ANK2: variants seen among roughly 807,000 people sequenced by gnomAD.
The protein encoded by ANK2 is ankyrin 2.
ANK2 carries 83 observed loss-of-function variants against 360.5 expected under a neutral mutation model. That is an observed-to-expected ratio of 0.23 (90% CI 0.19 to 0.28). ANK2 has a LOEUF of 0.28. Ranked by LOEUF, ANK2 falls within the 10% of genes least tolerant of loss-of-function variation. The pLI, the probability that ANK2 is intolerant of heterozygous loss-of-function variation, is 1.00. For missense variants in ANK2, 4,201 were observed against 4,795.7 expected, an observed-to-expected ratio of 0.88 and a Z score of 3.66; for synonymous variants, 1,740 against 1,759.5, an observed-to-expected ratio of 0.99 and a Z score of 0.28.
At chr4:113,250,591 C>T (rs903991812) in intron 10 of ANK2, among the ~76,000 whole-genome samples, 17 of 151,930 alleles carry the variant, frequency 1.1e-4, no homozygotes, top group African/African-American at 3.6e-4. Flanking sequence ...ATTATCCAAC[C>T]CTACATTGGG....
At chr4:113,062,701 G>A (rs1326243675) in intron 1 of ANK2, among the ~76,000 whole-genome samples, 1 of 152,076 alleles carries the variant, frequency 6.6e-6, no homozygotes, top group Admixed American at 6.6e-5. Context: ...TCACAGGAGT[G>A]ATTAATACTT....
chr4:113,177,703 T>C (rs1475700587), intron 2 of ANK2, among the ~76,000 whole-genome samples: 2 of 152,198 alleles, frequency 1.3e-5, no homozygotes, highest in Non-Finnish European at 2.9e-5. Flanking sequence ...CTTTTTCTTA[T>C]AGTGGCCAGC....
chr4:113,316,940 T>A (rs2083269046), intron 24 of ANK2, among the ~76,000 whole-genome samples: 1 of 152,226 alleles, frequency 6.6e-6, no homozygotes, highest in South Asian at 2.1e-4. Context: ...CTGGCAGGTG[T>A]GTCTGTGTTC....
chr4:113,034,004 T>G (rs1272363022), intron 2 of ANK2: 1 of 151,996 alleles, frequency 6.6e-6, no homozygotes, highest in African/African-American at 2.4e-5. Flanking sequence ...GCTTCATTTT[T>G]CTGTATGTTG....
the ANK2 span, among the ~76,000 whole-genome samples, chr4:112,749,440 T>C: frequency 6.6e-6 from 1 of 152,176 alleles, no homozygotes. Context: ...TGGCAATCAC[T>C]TGTTTATGGA....
At chr4:112,918,092 T>C (rs2090425243) in intron 2 of ANK2, among the ~76,000 whole-genome samples, 1 of 152,192 alleles carries the variant, frequency 6.6e-6, no homozygotes, top group South Asian at 2.1e-4. Flanking sequence ...CTGTCAGTTC[T>C]TTACTTATGC....
the ANK2 span, among the ~76,000 whole-genome samples, chr4:112,808,177 G>A: frequency 1.3e-5 from 2 of 152,196 alleles, no homozygotes; most frequent in African/African-American, 4.8e-5. Context: ...CAGAGTAAGG[G>A]AAATAGTCAT....
the ANK2 span, among the ~76,000 whole-genome samples, chr4:112,730,919 C>G: frequency 2.6e-5 from 4 of 151,234 alleles, no homozygotes; most frequent in Non-Finnish European, 5.9e-5. Context: ...GAGGGAGGAT[C>G]ATGAGGTCAA....
chr4:113,216,045 G>A (rs191168679), intron 4 of ANK2, among the ~76,000 whole-genome samples: 15 of 152,102 alleles, frequency 9.9e-5, no homozygotes, highest in Non-Finnish European at 1.3e-4. Flanking sequence ...CTGTTAAATC[G>A]GGCTACTCTG....
At chr4:112,935,307 T>C (rs965868821) in intron 2 of ANK2, among the ~76,000 whole-genome samples, 14 of 152,200 alleles carry the variant, frequency 9.2e-5, no homozygotes, top group African/African-American at 3.1e-4. Context: ...CTTTGAAAAG[T>C]GGAAGTTAAA....
chr4:113,373,423 T>C lies in ANK2; in HGVS notation c.11833T>C (p.Leu3945=). The change falls in exon 45 of 46, where the codon TTG becomes CTG. Residue 3945 remains leucine (L), a synonymous_variant. Coordinates refer to ENST00000357077, the MANE Select transcript of ANK2 (RefSeq NM_001148.6). The part of the protein sequence containing the change: ...GYSKVIKRVV[L]KSDTEQSEDN... The stretch of plus-strand genomic sequence containing the variant: ...TTCCAAAGTTATAAAGCGTGTTGTA[T>C]TGAAGAGTGACACCGAGCAGTCAGA... The C allele has an allele frequency of 6.2e-7, 1 of 1,614,158 alleles. No individual in the cohort carries two copies. Among genetic ancestry groups the C allele is most frequent in the South Asian group, 1.1e-5 (1 of 91,078 alleles).
At chr4:112,964,572 T>C (rs1286656042) in intron 2 of ANK2, among the ~76,000 whole-genome samples, 1 of 150,570 alleles carries the variant, frequency 6.6e-6, no homozygotes, top group Non-Finnish European at 1.5e-5. Context: ...TTTTCTTTTT[T>C]CTTTTTTTTT....
intron 1 of ANK2, among the ~76,000 whole-genome samples, chr4:113,147,355 T>C (rs1233883038): frequency 1.3e-5 from 2 of 152,196 alleles, no homozygotes; most frequent in Non-Finnish European, 2.9e-5. Context: ...AATGCAGCTT[T>C]CTGAACTGAG....
At chr4:112,958,953 A>T (rs2033095114) in intron 2 of ANK2, among the ~76,000 whole-genome samples, 1 of 151,842 alleles carries the variant, frequency 6.6e-6, no homozygotes, top group Non-Finnish European at 1.5e-5. Context: ...GGTTCCAGCA[A>T]TTCTCCTGCC....
chr4:112,965,881 A>T (rs2037016329), intron 2 of ANK2, among the ~76,000 whole-genome samples: 1 of 151,992 alleles, frequency 6.6e-6, no homozygotes, highest in East Asian at 1.9e-4. Flanking sequence ...GTAATTCTAT[A>T]TTCTAACTAT....
At chr4:113,023,496 T>C (rs1217814348) in intron 2 of ANK2, among the ~76,000 whole-genome samples, 1 of 152,244 alleles carries the variant, frequency 6.6e-6, no homozygotes, top group Non-Finnish European at 1.5e-5. Context: ...TATATAGATA[T>C]GCTTGTGGCT....
rs553703636 is a variant in ANK2 at position 112,987,838 on chromosome 4, C to A, written c.21+83324C>A. On this transcript the variant is annotated intron_variant, in intron 2 of 30. Coordinates refer to the ANK2 transcript ENST00000503271. The stretch of plus-strand genomic sequence containing the variant: ...CAACTATAACATATATGTCTATTGC[C>A]TAAAGTTTAATGAGAGACATTAAAC... 8.8e-4 allele frequency among the ~76,000 whole-genome samples: 134 copies of A among 151,908 alleles called. 1 individual carries two copies. The highest frequency in any genetic ancestry group is 1.1e-3 in the Non-Finnish European group (72 of 67,958).
At chr4:113,106,905 C>T (rs2093694280) in intron 1 of ANK2, 1 of 533,466 alleles carries the variant, frequency 1.9e-6, no homozygotes, top group East Asian at 5.5e-5. Flanking sequence ...AGGTCCATCT[C>T]CTGCCTATTT....
rs2079876033 is a variant in ANK2 at position 113,311,417 on chromosome 4, T to C, written c.2693+18T>C. 16 of 1,613,902 alleles carry C rather than the reference T, an allele frequency of 9.9e-6. No individual in the cohort carries two copies. Among genetic ancestry groups the C allele is most frequent in the Non-Finnish European group, 1.4e-5 (16 of 1,179,854 alleles). ...TCTGACAGGTATCTCATAAAACTTA[T>C]AATTGATGTCAGCCAGAAGTATGTG... On this transcript the variant is annotated intron_variant, in intron 24 of 45. Transcript: ENST00000357077.
Sources: allele counts gnomAD v4.1 joint callset (sites outside exome capture counted in the v4.1 genomes callset), GRCh38; gene constraint gnomAD v4.1.1; transcripts MANE v1.5; gene names NCBI Gene and HGNC (gene_info 2026-07-23, HGNC 2026-07-21).